The following SCN2A variants were observed in gnomAD, a reference collection of about 807,000 sequenced individuals.
SCN2A encodes the protein sodium channel protein type 2 subunit alpha.
A neutral mutation model predicts 188.7 loss-of-function variants in SCN2A; 20 were observed. The observed-to-expected ratio is 0.11, with a 90% confidence interval of 0.07 to 0.15. The LOEUF is 0.15. Ranked by LOEUF, SCN2A falls within the 10% of genes least tolerant of loss-of-function variation. The probability of loss-of-function intolerance (pLI) is 1.00; values close to 1 mark genes in which losing one functional copy is unlikely to be tolerated. For synonymous variants in SCN2A, 804 were observed against 833.1 expected (o/e 0.97, Z 0.60); for missense variants, 1,278 against 2,445.0 (o/e 0.52, Z 10.07).
intron 3 of SCN2A, among the ~76,000 whole-genome samples, chr2:165,298,083 G>A (rs1696604507): frequency 6.6e-6 from 1 of 152,148 alleles, no homozygotes; most frequent in South Asian, 2.1e-4. Context: ...CATGGGAGGA[G>A]GAGTGATATG....
Position 165,282,392 on chromosome 2 carries a change from T to C in SCN2A, c.-51-13381T>C, listed in dbSNP as rs115170136. ...TGGCAGTGGGGGATGGGGGCAGACA[T>C]TATCTTCTGCTCTGAATCAGGGACA... is the stretch of plus-strand genomic sequence containing the variant. On this transcript the variant is annotated intron_variant, in intron 1 of 26. Transcript: ENST00000375437. 8.9e-3 allele frequency among the ~76,000 whole-genome samples: 1,358 copies of C among 152,262 alleles called. 23 individuals are homozygous for C. The highest frequency in any genetic ancestry group is 0.03 in the African/African-American group (1,263 of 41,542).
intron 13 of SCN2A, among the ~76,000 whole-genome samples, chr2:165,328,691 T>A (rs1217999585): frequency 6.6e-6 from 1 of 152,188 alleles, no homozygotes; most frequent in Non-Finnish European, 1.5e-5. Flanking sequence ...CACACCTTTC[T>A]CCATGGAACT....
chr2:165,328,986 CTTTTTTTTTTT>C (rs1269103949), intron 13 of SCN2A, among the ~76,000 whole-genome samples: 3 of 89,390 alleles, frequency 3.4e-5, no homozygotes, highest in African/African-American at 1.3e-4. Flanking sequence ...TAAGATAGTC[CTTTTTTTTTTT>C]TTTTTTTTTT....
chr2:165,323,223 T>A lies in SCN2A; in HGVS notation c.1739T>A (p.Phe580Tyr). 5 of 1,614,182 alleles carry A rather than the reference T, an allele frequency of 3.1e-6. No individual in the cohort carries two copies. Among genetic ancestry groups the A allele is most frequent in the Non-Finnish European group, 4.2e-6 (5 of 1,180,034 alleles). The change falls in exon 12 of 27, where the codon TTC becomes TAC. Residue 580 changes from phenylalanine (F) to tyrosine (Y), a missense_variant. Around this residue, in one of 17 missense-constraint regions of SCN2A, gnomAD observed 315 missense variants for 386.6 expected, o/e 0.81. Transcript: ENST00000375437. ...RRNSRASLFS[F>Y]RGRAKDIGSE... Reference sequence around the variant, plus strand: ...AACAGTAGGGCGAGCCTTTTCAGCTTCAGAGGTCGAGCAAAGGACATTGGC... The same window carrying A: ...AACAGTAGGGCGAGCCTTTTCAGCTACAGAGGTCGAGCAAAGGACATTGGC...
intron 1 of SCN2A, among the ~76,000 whole-genome samples, chr2:165,258,916 G>T (rs755904714): frequency 1.1e-4 from 17 of 152,256 alleles, no homozygotes; most frequent in Non-Finnish European, 2.2e-4. Flanking sequence ...GGGAACAATA[G>T]GCACTGGGAC....
At chr2:165,322,104 C>A (rs907979264) in intron 11 of SCN2A, among the ~76,000 whole-genome samples, 5 of 152,194 alleles carry the variant, frequency 3.3e-5, no homozygotes, top group African/African-American at 1.2e-4. Flanking sequence ...TTCTCCATAT[C>A]TGAATCTAGG....
chr2:165,301,397 T>C (rs1696800480), intron 3 of SCN2A, among the ~76,000 whole-genome samples: 1 of 152,086 alleles, frequency 6.6e-6, no homozygotes, highest in African/African-American at 2.4e-5. Flanking sequence ...ATCACACTAG[T>C]AATGCTGAAC....
At chr2:165,374,583 C>CA (rs912052861) in intron 21 of SCN2A, 102 bp from the exon 22 acceptor site, 3 of 1,318,628 alleles carry the variant, frequency 2.3e-6, no homozygotes, top group Non-Finnish European at 3.2e-6. Flanking sequence ...AACTTTGAAA[C>CA]AGATTTTTTT....
intron 17 of SCN2A, among the ~76,000 whole-genome samples, chr2:165,359,870 C>T (rs1270816840): frequency 6.6e-6 from 1 of 151,900 alleles, no homozygotes; most frequent in Non-Finnish European, 1.5e-5. Context: ...TTCCTTTTGC[C>T]ATCCGAAGAA....
chr2:165,358,504 A>G (rs1700291628), intron 17 of SCN2A, among the ~76,000 whole-genome samples: 1 of 152,120 alleles, frequency 6.6e-6, no homozygotes, highest in South Asian at 2.1e-4. Context: ...TTGTATTTAG[A>G]ATATAATTTC....
intron 17 of SCN2A, among the ~76,000 whole-genome samples, chr2:165,358,147 G>A (rs1354410877): frequency 6.6e-6 from 1 of 152,050 alleles, no homozygotes; most frequent in Non-Finnish European, 1.5e-5. Flanking sequence ...TCCTTTTAAT[G>A]TTACAGAGTT....
chr2:165,337,649 G>A (rs1699073166), intron 14 of SCN2A, among the ~76,000 whole-genome samples: 1 of 151,952 alleles, frequency 6.6e-6, no homozygotes, highest in Non-Finnish European at 1.5e-5. Flanking sequence ...CCAGAAGAAA[G>A]TGGCCAGATA....
At chr2:165,326,279 G>GT (rs1300878230) in intron 12 of SCN2A, among the ~76,000 whole-genome samples, 2 of 152,014 alleles carry the variant, frequency 1.3e-5, no homozygotes, top group Non-Finnish European at 2.9e-5. Flanking sequence ...GGATTAAGTT[G>GT]TTTTTCAAAT....
At chr2:165,256,904 A>G (rs1694351696) in intron 1 of SCN2A, among the ~76,000 whole-genome samples, 1 of 152,214 alleles carries the variant, frequency 6.6e-6, no homozygotes, top group Non-Finnish European at 1.5e-5. Flanking sequence ...GTAAACATCT[A>G]AAAGTCTTTT....
chr2:165,345,588 C>G (rs548252331), intron 16 of SCN2A, among the ~76,000 whole-genome samples: 3 of 151,508 alleles, frequency 2.0e-5, no homozygotes, highest in African/African-American at 7.3e-5. Context: ...TTCCTCCATC[C>G]GTTTTTTTTG....
chr2:165,246,920 T>C (rs144910467), intron 1 of SCN2A, among the ~76,000 whole-genome samples: 1 of 152,206 alleles, frequency 6.6e-6, no homozygotes, highest in East Asian at 1.9e-4. Flanking sequence ...CACCAATACC[T>C]CCTACCTTGA....
intron 20 of SCN2A, chr2:165,371,517 T>C (rs1045822133): frequency 3.3e-5 from 5 of 152,030 alleles, no homozygotes; most frequent in Non-Finnish European, 5.9e-5. Context: ...AATAGGGAAG[T>C]GGAGTGTGAG....
At chr2:165,291,957 G>A (rs990981347) in intron 1 of SCN2A, among the ~76,000 whole-genome samples, 4 of 152,036 alleles carry the variant, frequency 2.6e-5, no homozygotes, top group Non-Finnish European at 4.4e-5. Context: ...GTTTTTCGGA[G>A]TCTTTCTTCC....
intron 12 of SCN2A, among the ~76,000 whole-genome samples, chr2:165,324,730 G>A (rs538496156): frequency 6.6e-6 from 1 of 152,156 alleles, no homozygotes. Context: ...ATTTTACAGA[G>A]GAGGAAACTG....
Sources: allele counts gnomAD v4.1 joint callset (sites outside exome capture counted in the v4.1 genomes callset), GRCh38; gene constraint gnomAD v4.1.1; regional missense constraint gnomAD v4.1.1; transcripts MANE v1.5; gene names NCBI Gene and HGNC (gene_info 2026-07-23, HGNC 2026-07-21).